The following FANCC variants were observed in gnomAD, a reference collection of about 807,000 sequenced individuals.
FANCC encodes the protein Fanconi anemia group C protein.
Under a neutral mutation model 71.3 loss-of-function variants are expected in FANCC, and 55 were observed. The ratio of observed to expected loss-of-function variants is 0.77; its 90% CI spans 0.62 to 0.97. The LOEUF (loss-of-function observed/expected upper bound fraction) is 0.97, where lower values mean the gene tolerates loss of function less well. Among genes scored for constraint, FANCC ranks in the 50% least tolerant of loss-of-function variants. The pLI, the probability that FANCC is intolerant of heterozygous loss-of-function variation, is 0.00. For synonymous variants in FANCC, 275 were observed against 244.9 expected (o/e 1.12, Z -1.15); for missense variants, 678 against 670.9 (o/e 1.01, Z -0.12).
Position 95,125,098 on chromosome 9 carries a change from T to C in FANCC, c.984A>G (p.Lys328=). The C allele has an allele frequency of 6.2e-7, 1 of 1,614,130 alleles. No homozygotes were observed. The highest frequency in any genetic ancestry group is 8.5e-7 in the Non-Finnish European group (1 of 1,179,948). The change falls in exon 10 of 15, where the codon AAA becomes AAG. Residue 328 remains lysine (K), a synonymous_variant. Transcript: ENST00000289081. ...FTQCFVEALE[K]ASKQLRFALK... is the part of the protein sequence containing the mutation. ...TGATATAACAAACCTGCTTGCTTGC[T>C]TTCTCCAGAGCTTCTACAAAGCACT...
Position 95,199,908 on chromosome 9 carries a change from CTTCT to C in FANCC, c.346-27765_346-27762del, listed in dbSNP as rs373302175. Among the ~76,000 whole-genome samples, 13 of 152,236 alleles carry C rather than the reference CTTCT, an allele frequency of 8.5e-5. No homozygotes were observed. The East Asian group carries it at 1.7e-3, about 20-fold the overall frequency. On this transcript the variant is annotated intron_variant, in intron 4 of 14. Coordinates refer to ENST00000289081, the MANE Select transcript of FANCC (RefSeq NM_000136.3). ...AAAAATTTCCCCAGCTTATATGAAC[CTTCT>C]TTGTTTCTTAATAAACACTTATCTT...
intron 4 of FANCC, among the ~76,000 whole-genome samples, chr9:95,215,434 G>C (rs1298276172): frequency 6.6e-6 from 1 of 152,068 alleles, no homozygotes; most frequent in Admixed American, 6.6e-5. Context: ...AAAGAACAAA[G>C]AACAGATGAC....
chr9:95,137,410 A>G (rs1827863281), intron 7 of FANCC, among the ~76,000 whole-genome samples: 1 of 151,930 alleles, frequency 6.6e-6, no homozygotes. Context: ...TTCACCTCAG[A>G]GCCTCCTGAT....
intron 1 of FANCC, among the ~76,000 whole-genome samples, chr9:95,277,617 T>C (rs1000674262): frequency 1.3e-5 from 2 of 151,906 alleles, no homozygotes; most frequent in African/African-American, 4.8e-5. Context: ...ACAAAAACAC[T>C]GTAGTGAAAA....
At chr9:95,225,331 A>G (rs1195232909) in intron 4 of FANCC, among the ~76,000 whole-genome samples, 1 of 152,230 alleles carries the variant, frequency 6.6e-6, no homozygotes, top group Non-Finnish European at 1.5e-5. Context: ...TCCAAGGAGC[A>G]TTACTCAGGC....
At chr9:95,208,077 CTTTTTTTTTTTTTTTTTTTTTTTT>C (rs58961733) in intron 4 of FANCC, among the ~76,000 whole-genome samples, 2 of 47,612 alleles carry the variant, frequency 4.2e-5, no homozygotes, top group Non-Finnish European at 7.2e-5. Context: ...ATCCAGAAGC[CTTTTTTTTTTTTTTTTTTTTTTTT>C]TTTTTTTTTT....
intron 4 of FANCC, among the ~76,000 whole-genome samples, chr9:95,221,278 A>T (rs1156585393): frequency 1.3e-5 from 2 of 152,190 alleles, no homozygotes; most frequent in Non-Finnish European, 1.5e-5. Context: ...AGCTAAAACA[A>T]GAAAACAGAG....
chr9:95,126,321 A>G (rs1300199170), intron 9 of FANCC, among the ~76,000 whole-genome samples: 2 of 152,230 alleles, frequency 1.3e-5, no homozygotes, highest in Non-Finnish European at 2.9e-5. Context: ...AAATAAAGTT[A>G]TCTTAATTCT....
intron 1 of FANCC, among the ~76,000 whole-genome samples, chr9:95,310,031 A>G (rs1835294068): frequency 6.6e-6 from 1 of 152,032 alleles, no homozygotes; most frequent in Non-Finnish European, 1.5e-5. Flanking sequence ...TTTAGTAAGC[A>G]TTAAATGCCC....
chr9:95,209,102 TTAC>T (rs1041692317), intron 4 of FANCC, among the ~76,000 whole-genome samples: 1 of 152,068 alleles, frequency 6.6e-6, no homozygotes, highest in Non-Finnish European at 1.5e-5. Flanking sequence ...CTAAATGATA[TTAC>T]TAAATGAAAG....
intron 14 of FANCC, among the ~76,000 whole-genome samples, chr9:95,103,815 G>A (rs533975291): frequency 6.6e-6 from 1 of 152,380 alleles, no homozygotes; most frequent in African/African-American, 2.4e-5. Flanking sequence ...GCTGTGGGCA[G>A]ATGGGGCTGC....
chr9:95,267,816 T>C (rs1210487493), intron 1 of FANCC, among the ~76,000 whole-genome samples: 1 of 152,056 alleles, frequency 6.6e-6, no homozygotes, highest in Non-Finnish European at 1.5e-5. Context: ...AATTAAAAGA[T>C]GGCTAAAAAA....
intron 4 of FANCC, among the ~76,000 whole-genome samples, chr9:95,224,649 TTC>T (rs1401763520): frequency 3.9e-5 from 6 of 152,190 alleles, no homozygotes; most frequent in Admixed American, 3.3e-4. Flanking sequence ...TTGTTCTACT[TTC>T]TGTTTCTATA....
intron 4 of FANCC, among the ~76,000 whole-genome samples, chr9:95,174,541 ATT>A (rs962477494): frequency 1.3e-5 from 2 of 151,114 alleles, no homozygotes; most frequent in African/African-American, 2.4e-5. Context: ...ATATATATAT[ATT>A]TTTTTTCTTC....
chr9:95,115,541 A>G (rs1446393777), intron 11 of FANCC, among the ~76,000 whole-genome samples: 1 of 152,264 alleles, frequency 6.6e-6, no homozygotes, highest in African/African-American at 2.4e-5. Flanking sequence ...TATGCAAACA[A>G]ATGTCTTTTC....
chr9:95,181,342 C>T (rs16911999), intron 4 of FANCC, among the ~76,000 whole-genome samples: 1,604 of 152,166 alleles, frequency 0.011, 37 homozygotes, highest in African/African-American at 0.037. Flanking sequence ...ACGTAGTTTT[C>T]AAACAGACAC....
chr9:95,202,907 T>C (rs576218632), intron 4 of FANCC, among the ~76,000 whole-genome samples: 36 of 152,312 alleles, frequency 2.4e-4, no homozygotes, highest in Admixed American at 2.0e-3. Context: ...TGGCATGAGA[T>C]CACATATGAA....
chr9:95,294,343 GAC>G, intron 1 of FANCC: 3 of 1,587,410 alleles, frequency 1.9e-6, no homozygotes, highest in Non-Finnish European at 1.7e-6. Flanking sequence ...GGAGTCACTG[GAC>G]ACAGAGACTC....
At chr9:95,210,586 G>T (rs890444571) in intron 4 of FANCC, among the ~76,000 whole-genome samples, 2 of 152,088 alleles carry the variant, frequency 1.3e-5, no homozygotes, top group African/African-American at 4.8e-5. Flanking sequence ...AGGTGGTAAA[G>T]TTATTTTGTC....
Sources: gnomAD v4.1 joint callset for allele counts (sites outside exome capture counted in the v4.1 genomes callset) on GRCh38, gnomAD v4.1.1 for gene constraint, MANE v1.5 for transcripts, NCBI Gene and HGNC (gene_info 2026-07-23, HGNC 2026-07-21) for gene names.